The following CELF2 variants were observed in gnomAD, a reference collection of about 807,000 sequenced individuals.
CELF2 encodes the protein CUG triplet repeat RNA-binding protein 2.
CELF2 carries 8 observed loss-of-function variants against 62.6 expected under a neutral mutation model. The ratio of observed to expected loss-of-function variants is 0.13; its 90% confidence interval spans 0.07 to 0.23. The LOEUF (loss-of-function observed/expected upper bound fraction) is 0.23. Ranked by LOEUF, CELF2 falls within the 10% of genes least tolerant of loss-of-function variation. The pLI, the probability that CELF2 is intolerant of heterozygous loss-of-function variation, is 1.00. For synonymous variants in CELF2, 258 were observed against 250.0 expected, an observed-to-expected ratio of 1.03 and a Z score of -0.30; for missense variants, 333 against 671.0, an observed-to-expected ratio of 0.50 and a Z score of 5.56.
the CELF2 span, among the ~76,000 whole-genome samples, chr10:10,535,633 C>T: frequency 6.6e-6 from 1 of 152,104 alleles, no homozygotes; most frequent in Admixed American, 6.5e-5. Context: ...GGCCGAGAAT[C>T]GCTTGAACCC....
At chr10:11,068,557 CA>C (rs1367993746) in intron 1 of CELF2, among the ~76,000 whole-genome samples, 1 of 144,390 alleles carries the variant, frequency 6.9e-6, no homozygotes, top group Non-Finnish European at 1.5e-5. Context: ...ATTATGAGAA[CA>C]TTATTTCTGT....
chr10:11,062,830 C>T (rs947096503), intron 1 of CELF2, among the ~76,000 whole-genome samples: 1 of 152,158 alleles, frequency 6.6e-6, no homozygotes, highest in Admixed American at 6.5e-5. Context: ...ACATGGGCAA[C>T]GTGCTATCAA....
chr10:10,966,783 T>G (rs2050165196), intron 2 of CELF2: 1 of 152,198 alleles, frequency 6.6e-6, no homozygotes, highest in Non-Finnish European at 1.5e-5. Flanking sequence ...CAGTCCTGTA[T>G]CCCCGTGCCC....
the CELF2 span, among the ~76,000 whole-genome samples, chr10:10,701,571 A>C: frequency 6.6e-6 from 1 of 152,234 alleles, no homozygotes; most frequent in Non-Finnish European, 1.5e-5. Context: ...GTTTCACAGG[A>C]AGTGCATGGA....
chr10:10,767,894 G>A, the CELF2 span, among the ~76,000 whole-genome samples: 1 of 132,718 alleles, frequency 7.5e-6, no homozygotes, highest in Non-Finnish European at 1.6e-5. Flanking sequence ...TACTCGGGAG[G>A]CTGAGGCAGG....
At chr10:11,114,660 A>T (rs955279802) in intron 1 of CELF2, among the ~76,000 whole-genome samples, 14 of 152,258 alleles carry the variant, frequency 9.2e-5, no homozygotes, top group Admixed American at 7.2e-4. Context: ...GGGTTCTAAT[A>T]AGTGATTGTT....
intron 1 of CELF2, among the ~76,000 whole-genome samples, chr10:11,069,103 C>A (rs954799861): frequency 6.6e-6 from 1 of 152,116 alleles, no homozygotes; most frequent in Non-Finnish European, 1.5e-5. Context: ...AAGGCTGATG[C>A]AATAGTGAAG....
chr10:10,585,657 A>G, the CELF2 span, among the ~76,000 whole-genome samples: 1 of 152,198 alleles, frequency 6.6e-6, no homozygotes, highest in Non-Finnish European at 1.5e-5. Context: ...CCTTTGTCAT[A>G]TAAGAATAAA....
intron 9 of CELF2, among the ~76,000 whole-genome samples, chr10:11,310,776 G>T (rs1158355821): frequency 6.6e-6 from 1 of 151,438 alleles, no homozygotes. Context: ...TCTATTTCTG[G>T]CAGTTAGGCA....
the CELF2 span, among the ~76,000 whole-genome samples, chr10:10,747,632 G>A: frequency 2.6e-5 from 4 of 152,062 alleles, no homozygotes; most frequent in Non-Finnish European, 5.9e-5. Context: ...ATAATCACAG[G>A]ATGTAAAAAA....
At chr10:10,907,385 T>C (rs2063436028) in intron 1 of CELF2, among the ~76,000 whole-genome samples, 1 of 152,240 alleles carries the variant, frequency 6.6e-6, no homozygotes. Context: ...TGTATAATTA[T>C]ATTCTTCACC....
At chr10:10,721,706 C>G in the CELF2 span, among the ~76,000 whole-genome samples, 1 of 152,216 alleles carries the variant, frequency 6.6e-6, no homozygotes, top group Non-Finnish European at 1.5e-5. Flanking sequence ...ATATCCACTT[C>G]CCATTCCATA....
At chr10:11,226,731 GA>G (rs2066757697) in intron 3 of CELF2, among the ~76,000 whole-genome samples, 1 of 152,164 alleles carries the variant, frequency 6.6e-6, no homozygotes, top group Admixed American at 6.5e-5. Context: ...CACAGGTCCT[GA>G]AAAACATTCA....
At chr10:10,843,945 A>T (rs1263750695) in intron 1 of CELF2, among the ~76,000 whole-genome samples, 1 of 151,968 alleles carries the variant, frequency 6.6e-6, no homozygotes, top group African/African-American at 2.4e-5. Context: ...CTGAGCAGCC[A>T]CTTATGTAAG....
At chr10:10,836,229 G>C (rs997556373) in intron 1 of CELF2, among the ~76,000 whole-genome samples, 10 of 152,094 alleles carry the variant, frequency 6.6e-5, no homozygotes, top group Non-Finnish European at 1.3e-4. Flanking sequence ...GGAGAAAGGA[G>C]GAGGGGGGAC....
At position 11,224,316 on chromosome 10, in the gene CELF2, T is replaced by C. The variant is rs940282017; in HGVS notation, c.354+6809T>C. Among the ~76,000 whole-genome samples, 1 of 152,184 alleles carries C rather than the reference T, an allele frequency of 6.6e-6. No homozygotes were observed. Among genetic ancestry groups the C allele is most frequent in the Non-Finnish European group, 1.5e-5 (1 of 68,034 alleles). On this transcript the variant is annotated intron_variant, in intron 3 of 12. Transcript: ENST00000633077. This position sits in a 1 kb window ranked among gnomAD's most constrained non-coding sequence, Gnocchi z 4.5. ...GCCTGATCAGATTTGCAAAAGTGCC[T>C]TGTGTCATTGCTTGAGGGATACTGG...
the CELF2 span, among the ~76,000 whole-genome samples, chr10:10,595,803 G>A: frequency 6.6e-6 from 1 of 152,170 alleles, no homozygotes; most frequent in Non-Finnish European, 1.5e-5. Flanking sequence ...GGCTGAGGTA[G>A]GCAAATTGCT....
the CELF2 span, among the ~76,000 whole-genome samples, chr10:10,498,028 A>G: frequency 1.3e-5 from 2 of 152,204 alleles, no homozygotes; most frequent in Non-Finnish European, 2.9e-5. Context: ...AGAGGCGGGA[A>G]GAAGTGCTCT....
rs1328345698 is a variant in CELF2 at position 11,249,134 on chromosome 10, C to T, written c.355-19C>T. ...CAGTTGTTCAATCTGCCTTTACTTT[C>T]TCCCTTTTGTGTTTTTAGATGCATC... On this transcript the variant is annotated intron_variant, in intron 3 of 12. Coordinates refer to ENST00000633077, the MANE Select transcript of CELF2 (RefSeq NM_001326342.2). The T allele has an allele frequency of 6.2e-7, 1 of 1,608,282 alleles. No homozygotes were observed. The highest frequency in any genetic ancestry group is 2.2e-5 in the East Asian group (1 of 44,868).
Sources: gnomAD v4.1 joint callset for allele counts (sites outside exome capture counted in the v4.1 genomes callset) on GRCh38, gnomAD v4.1.1 for gene constraint, Gnocchi (gnomAD v3.1) non-coding constraint, MANE v1.5 for transcripts, NCBI Gene and HGNC (gene_info 2026-07-23, HGNC 2026-07-21) for gene names.